LRP5: variants seen among roughly 807,000 people sequenced by gnomAD.
LRP5 encodes the protein LDL receptor related protein 5, also known as low-density lipoprotein receptor-related protein 5.
Under a neutral mutation model 154.1 loss-of-function variants are expected in LRP5, and 62 were observed. The ratio of observed to expected loss-of-function variants is 0.40; its 90% confidence interval spans 0.33 to 0.50. The LOEUF is 0.50. Ranked by LOEUF, LRP5 falls within the 20% of genes least tolerant of loss-of-function variation. LRP5 has a pLI of 0.55. For missense variants in LRP5, 1,915 were observed against 2,336.7 expected (o/e 0.82, Z 3.72); for synonymous variants, 966 against 1,011.5 (o/e 0.96, Z 0.85).
chr11:68,413,263 G>A lies in LRP5; in HGVS notation c.2504-426G>A, dbSNP rs1210949963. On this transcript the variant is annotated intron_variant, in intron 11 of 22. Coordinates refer to ENST00000294304, the MANE Select transcript of LRP5 (RefSeq NM_002335.4). The surrounding 1 kb of genome is among the most constrained non-coding windows in gnomAD (Gnocchi z 5.1). Reference sequence around the variant, plus strand: ...TGGAAACTCATGTGACCCTGCCAATGAGGGCGGCCATGTGCATTGCAGCCT... The same window carrying A: ...TGGAAACTCATGTGACCCTGCCAATAAGGGCGGCCATGTGCATTGCAGCCT... 6.8e-6 allele frequency: 2 copies of A among 294,780 alleles called. No homozygotes were observed. Among genetic ancestry groups the A allele is most frequent in the Non-Finnish European group, 1.3e-5 (2 of 154,196 alleles). The allele number at this position is 294,780 out of a possible 1,614,324, so 18.3% of individuals were successfully genotyped here.
intron 7 of LRP5, among the ~76,000 whole-genome samples, chr11:68,402,114 G>T (rs2098652918): frequency 6.6e-6 from 1 of 152,152 alleles, no homozygotes; most frequent in African/African-American, 2.4e-5. Flanking sequence ...CGCTTTTCTG[G>T]TAAGCTGGAA....
At chr11:68,398,569 C>T (rs1383398611) in intron 7 of LRP5, among the ~76,000 whole-genome samples, 2 of 152,024 alleles carry the variant, frequency 1.3e-5, no homozygotes, top group Admixed American at 6.5e-5. Flanking sequence ...GAGCTACGGC[C>T]CCCGGGCCAG....
intron 21 of LRP5, 58 bp from the exon 22 acceptor site, chr11:68,446,378 A>G: frequency 8.5e-7 from 1 of 1,170,456 alleles, no homozygotes; most frequent in Admixed American, 1.7e-5. Flanking sequence ...GTGTGGGAGG[A>G]AGGAAGGAAT....
At chr11:68,369,053 G>A (rs946377184) in intron 5 of LRP5, among the ~76,000 whole-genome samples, 6 of 152,094 alleles carry the variant, frequency 3.9e-5, no homozygotes, top group Non-Finnish European at 5.9e-5. Flanking sequence ...GGCTAGGCTG[G>A]TCTTGAACTC....
chr11:68,421,684 G>A (rs2098665676), intron 13 of LRP5, among the ~76,000 whole-genome samples: 2 of 146,250 alleles, frequency 1.4e-5, no homozygotes, highest in African/African-American at 5.2e-5. Context: ...TGCCCAGCAA[G>A]GCTGTGTGTG....
chr11:68,355,015 C>T (rs147841472), intron 2 of LRP5, among the ~76,000 whole-genome samples: 7 of 152,320 alleles, frequency 4.6e-5, no homozygotes, highest in Non-Finnish European at 8.8e-5. Context: ...GGCTCCTATG[C>T]CCTCATTCTT....
rs559707387 is a variant in LRP5 at position 68,415,979 on chromosome 11, C to T, written c.2828-349C>T. 2.7e-5 allele frequency among the ~76,000 whole-genome samples: 4 copies of T among 150,594 alleles called. No homozygotes were observed. The South Asian group carries it at 6.4e-4, about 24-fold the overall frequency. On this transcript the variant is annotated intron_variant, in intron 12 of 22. Coordinates refer to ENST00000294304, the MANE Select transcript of LRP5 (RefSeq NM_002335.4). ...CTGAGGCAGGAGAATGGCGTGAACC[C>T]GAGAGGCAGAGCTTACAGTGAGCCC...
Position 68,413,779 on chromosome 11 carries a change from TGC to T in LRP5, c.2595_2596del (p.His866GlnfsTer3). ...TATATCTACTGGACAGACTGGAATC[TGC>T]ACAGCATTGAGCGGGCCGACAAGAC... On this transcript the variant is annotated frameshift_variant, in exon 12 of 23. Coordinates refer to ENST00000294304, the MANE Select transcript of LRP5 (RefSeq NM_002335.4). LOFTEE classifies it high-confidence loss of function. This position sits in a 1 kb window ranked among gnomAD's most constrained non-coding sequence, Gnocchi z 5.1. The T allele has an allele frequency of 6.2e-7, 1 of 1,613,328 alleles. No individual in the cohort carries two copies. Among genetic ancestry groups the T allele is most frequent in the Non-Finnish European group, 8.5e-7 (1 of 1,179,536 alleles).
chr11:68,438,473 G>T lies in LRP5; in HGVS notation c.4139G>T (p.Ser1380Ile), dbSNP rs1300430679. The change falls in exon 20 of 23, where the codon AGC (serine) becomes ATC (isoleucine). Residue 1380 changes from serine to isoleucine, a missense_variant. Ser to Ile is a moderately radical substitution (Grantham distance 142). This residue lies in a region of LRP5 where 1,094 missense variants were observed against 1,210.1 expected (regional missense o/e 0.90). Transcript: ENST00000294304. ...ATCACCAAGCCGCCCTCAGACGACA[G>T]CCCGGCCCACAGCAGTGCCATCGGG... Reference protein sequence around the residue: ...CEITKPPSDDSPAHSSAIGPV... With the variant: ...CEITKPPSDDIPAHSSAIGPV... 2.5e-6 allele frequency: 4 copies of T among 1,614,060 alleles called. No individual in the cohort carries two copies. Among genetic ancestry groups the T allele is most frequent in the Non-Finnish European group, 3.4e-6 (4 of 1,180,048 alleles).
rs377410080 is a variant in LRP5, at chr11:68,423,552, A to G, written c.3091A>G (p.Ile1031Val). ...AGACAGGCAGCCCCACGACCTCAGC[A>G]TCGACATCTACAGCCGGACACTGTT... The part of the protein sequence containing the change: ...NPDRQPHDLS[I>V]DIYSRTLFWT... Residue 1031 changes from isoleucine (I) to valine (V), a missense_variant, in exon 14 of 23, where the codon ATC becomes GTC. Around this residue, in one of 3 missense-constraint regions of LRP5, gnomAD observed 1,094 missense variants for 1,210.1 expected, o/e 0.90. Transcript: ENST00000294304. This position sits in a 1 kb window ranked among gnomAD's most constrained non-coding sequence, Gnocchi z 4.7. The G allele has an allele frequency of 1.9e-6, 3 of 1,614,206 alleles. No individual in the cohort carries two copies. Among genetic ancestry groups the G allele is most frequent in the African/African-American group, 1.3e-5 (1 of 75,050 alleles).
In LRP5 at chr11:68,416,321, C is replaced by G. The variant is rs1254819231; in HGVS notation, c.2828-7C>G. On this transcript the variant is annotated splice_polypyrimidine_tract_variant and splice_region_variant and intron_variant, in intron 12 of 22. Coordinates refer to ENST00000294304, the MANE Select transcript of LRP5 (RefSeq NM_002335.4). Reference sequence around the variant, plus strand: ...CCCACCTGCAGCCCTGTCTTTGCCTCCTCTAGCGCCCACCACCTTCTTGCT... The same window carrying G: ...CCCACCTGCAGCCCTGTCTTTGCCTGCTCTAGCGCCCACCACCTTCTTGCT... 6.2e-7 allele frequency: 1 copy of G among 1,613,732 alleles called. No homozygotes were observed. Among genetic ancestry groups the G allele is most frequent in the Admixed American group, 1.7e-5 (1 of 59,998 alleles).
At chr11:68,303,849 A>G in the LRP5 span, among the ~76,000 whole-genome samples, 1 of 152,208 alleles carries the variant, frequency 6.6e-6, no homozygotes, top group Admixed American at 6.5e-5. Flanking sequence ...TGAATTCCCT[A>G]TGCTCAAATG....
chr11:68,315,177 A>ATC (rs2153111436), intron 1 of LRP5, among the ~76,000 whole-genome samples: 1 of 152,256 alleles, frequency 6.6e-6, no homozygotes, highest in Non-Finnish European at 1.5e-5. Flanking sequence ...AGTTTCTGTT[A>ATC]TCTCACCCCG....
rs557782492 is a variant in LRP5 at position 68,358,588 on chromosome 11, C to A, written c.686+741C>A. On this transcript the variant is annotated intron_variant, in intron 3 of 22. Coordinates refer to ENST00000294304, the MANE Select transcript of LRP5 (RefSeq NM_002335.4). Reference sequence around the variant, plus strand: ...TATCCCAGCTCAGGCATCCTGAGGGCAACAGCCGGAAGCTGTCTCAGTTAT... The same window carrying A: ...TATCCCAGCTCAGGCATCCTGAGGGAAACAGCCGGAAGCTGTCTCAGTTAT... Among the ~76,000 whole-genome samples the A allele has an allele frequency of 3.3e-5, 5 of 152,268 alleles. No individual in the cohort carries two copies. The East Asian group carries it at 9.6e-4, about 29-fold the overall frequency.
At chr11:68,360,735 C>T (rs548695719) in intron 3 of LRP5, among the ~76,000 whole-genome samples, 22 of 152,310 alleles carry the variant, frequency 1.4e-4, no homozygotes, top group Middle Eastern at 3.4e-3. Flanking sequence ...CCATGGCTTA[C>T]GCGTGTAATC....
intron 5 of LRP5, among the ~76,000 whole-genome samples, chr11:68,377,989 C>G (rs1223229959): frequency 6.6e-6 from 1 of 152,104 alleles, no homozygotes; most frequent in Non-Finnish European, 1.5e-5. Context: ...CCGGGGGCCA[C>G]TGGACCTTTC....
At chr11:68,415,660 GCT>G (rs1255549612) in intron 12 of LRP5, among the ~76,000 whole-genome samples, 1 of 74,062 alleles carries the variant, frequency 1.4e-5, no homozygotes, top group Non-Finnish European at 3.5e-5. Flanking sequence ...GAGGAGAATC[GCT>G]TGAACTTGGG....
intron 3 of LRP5, among the ~76,000 whole-genome samples, chr11:68,362,903 C>T (rs2098628849): frequency 6.6e-6 from 1 of 151,964 alleles, no homozygotes; most frequent in African/African-American, 2.4e-5. Flanking sequence ...CCCAGGCCCA[C>T]CCTCAGGGAG....
chr11:68,433,301 C>G (rs113276345), intron 17 of LRP5, among the ~76,000 whole-genome samples: 1 of 152,246 alleles, frequency 6.6e-6, no homozygotes, highest in Non-Finnish European at 1.5e-5. Flanking sequence ...GTAGCGCCTG[C>G]TGCTTAAAGC....
Sources: gnomAD v4.1 joint callset for allele counts (sites outside exome capture counted in the v4.1 genomes callset) on GRCh38, gnomAD v4.1.1 for gene constraint, gnomAD v4.1.1 regional missense constraint, Gnocchi (gnomAD v3.1) non-coding constraint, MANE v1.5 for transcripts, NCBI Gene and HGNC (gene_info 2026-07-23, HGNC 2026-07-21) for gene names.